FOXP1: variants seen among roughly 807,000 people sequenced by gnomAD.
The protein encoded by FOXP1 is forkhead box P1.
A neutral mutation model predicts 98.2 loss-of-function variants in FOXP1; 15 were observed. That is an observed-to-expected ratio of 0.15 (90% CI 0.10 to 0.24). The LOEUF is 0.24. Among genes scored for constraint, FOXP1 ranks in the 10% least tolerant of loss-of-function variants. FOXP1 has a pLI of 1.00. For missense variants in FOXP1, 633 were observed against 848.5 expected, an observed-to-expected ratio of 0.75 and a Z score of 3.15; for synonymous variants, 371 against 314.5, an observed-to-expected ratio of 1.18 and a Z score of -1.90.
chr3:71,313,627 G>A (rs536274861), intron 4 of FOXP1, among the ~76,000 whole-genome samples: 5 of 151,742 alleles, frequency 3.3e-5, no homozygotes, highest in South Asian at 2.1e-4. Flanking sequence ...CCGGGTTCCC[G>A]CCATTCTCCT....
At chr3:71,156,698 C>T (rs1183236463) in intron 6 of FOXP1, among the ~76,000 whole-genome samples, 1 of 152,228 alleles carries the variant, frequency 6.6e-6, no homozygotes, top group Admixed American at 6.5e-5. Context: ...GGTAATTCAA[C>T]ATCATCCAAA....
At chr3:71,053,054 CTCCCAACGCTGTAGTTCCGAA>C (rs2050127547) in intron 8 of FOXP1, among the ~76,000 whole-genome samples, 1 of 152,170 alleles carries the variant, frequency 6.6e-6, no homozygotes, top group Non-Finnish European at 1.5e-5. Flanking sequence ...AGGCCAGTGA[CTCCCAACGCTGTAGTTCCGAA>C]TCTCATCTAT....
intron 7 of FOXP1, among the ~76,000 whole-genome samples, chr3:71,094,810 C>A (rs2056298418): frequency 6.6e-6 from 1 of 152,192 alleles, no homozygotes; most frequent in Admixed American, 6.5e-5. Context: ...CTTTATTCAC[C>A]CACCTACCCC....
At chr3:71,558,311 G>C (rs2046285351) in intron 2 of FOXP1, among the ~76,000 whole-genome samples, 2 of 152,158 alleles carry the variant, frequency 1.3e-5, no homozygotes, top group African/African-American at 4.8e-5. Flanking sequence ...CTCAGGGAAA[G>C]CTGGCTCTAC....
At chr3:71,290,847 A>G (rs1463257909) in intron 5 of FOXP1, among the ~76,000 whole-genome samples, 1 of 152,196 alleles carries the variant, frequency 6.6e-6, no homozygotes, top group African/African-American at 2.4e-5. Context: ...GGTAATGCAT[A>G]TATTATAAAA....
At chr3:71,108,377 A>G (rs934313243) in intron 7 of FOXP1, among the ~76,000 whole-genome samples, 2 of 152,238 alleles carry the variant, frequency 1.3e-5, no homozygotes, top group African/African-American at 4.8e-5. Context: ...TTCAGCCAGT[A>G]AAGTTACGCA....
At chr3:71,165,787 C>A (rs779958212) in intron 6 of FOXP1, among the ~76,000 whole-genome samples, 1 of 152,050 alleles carries the variant, frequency 6.6e-6, no homozygotes, top group Admixed American at 6.6e-5. Flanking sequence ...TGGCATGCCA[C>A]GAACCACTTG....
chr3:71,534,812 A>G (rs1036018759), intron 2 of FOXP1, among the ~76,000 whole-genome samples: 1 of 152,144 alleles, frequency 6.6e-6, no homozygotes, highest in Non-Finnish European at 1.5e-5. Flanking sequence ...TCTCATTCTC[A>G]TTATTTGTTC....
intron 3 of FOXP1, among the ~76,000 whole-genome samples, chr3:71,395,014 T>C (rs1310456717): frequency 6.7e-6 from 1 of 148,240 alleles, no homozygotes; most frequent in Non-Finnish European, 1.5e-5. Flanking sequence ...GCAGGAGAAT[T>C]GCTTGAACCC....
intron 5 of FOXP1, among the ~76,000 whole-genome samples, chr3:71,286,965 T>A (rs1211457017): frequency 6.6e-6 from 1 of 152,046 alleles, no homozygotes; most frequent in African/African-American, 2.4e-5. Flanking sequence ...GTAGTTACAA[T>A]CACAAATAAC....
intron 5 of FOXP1, among the ~76,000 whole-genome samples, chr3:71,250,349 T>A (rs2068085576): frequency 6.6e-6 from 1 of 152,144 alleles, no homozygotes; most frequent in South Asian, 2.1e-4. Context: ...CAACATCCAA[T>A]AGGGTAGCCA....
chr3:71,348,546 TGTGCGTGCGC>T (rs1560349092), intron 4 of FOXP1, among the ~76,000 whole-genome samples: 3 of 131,112 alleles, frequency 2.3e-5, no homozygotes, highest in African/African-American at 1.1e-4. Context: ...TGTGTGTGTG[TGTGCGTGCGC>T]GCGCGCACGC....
At chr3:71,094,369 T>A (rs927114086) in intron 7 of FOXP1, among the ~76,000 whole-genome samples, 1 of 146,912 alleles carries the variant, frequency 6.8e-6, no homozygotes, top group African/African-American at 2.5e-5. Flanking sequence ...AAGCTCCGCC[T>A]CCCAGGTTCA....
At chr3:71,369,636 G>T (rs1031246530) in intron 3 of FOXP1, among the ~76,000 whole-genome samples, 1 of 151,958 alleles carries the variant, frequency 6.6e-6, no homozygotes, top group African/African-American at 2.4e-5. Context: ...CTCGTGATCC[G>T]CCCGCCTCAG....
chr3:71,126,783 C>A (rs1242858567), intron 6 of FOXP1, among the ~76,000 whole-genome samples: 1 of 148,226 alleles, frequency 6.7e-6, no homozygotes, highest in East Asian at 2.0e-4. Context: ...GAGATAGCAC[C>A]ACTGTACCCC....
intron 2 of FOXP1, among the ~76,000 whole-genome samples, chr3:71,556,156 A>T (rs2046112063): frequency 6.6e-6 from 1 of 152,128 alleles, no homozygotes; most frequent in African/African-American, 2.4e-5. Flanking sequence ...ACATATAAAA[A>T]CCCTGTATAT....
At chr3:71,364,531 T>C (rs978967792) in intron 3 of FOXP1, among the ~76,000 whole-genome samples, 1 of 152,252 alleles carries the variant, frequency 6.6e-6, no homozygotes, top group African/African-American at 2.4e-5. Flanking sequence ...TTGTTGTTGC[T>C]GTTGAATTGG....
At chr3:71,236,294 T>C (rs1008133949) in intron 5 of FOXP1, among the ~76,000 whole-genome samples, 2 of 152,228 alleles carry the variant, frequency 1.3e-5, no homozygotes, top group African/African-American at 4.8e-5. Flanking sequence ...CTCTTTAGTG[T>C]TTCCCATGTA....
At chr3:71,082,596 C>T (rs2054566326) in intron 7 of FOXP1, among the ~76,000 whole-genome samples, 1 of 145,560 alleles carries the variant, frequency 6.9e-6, no homozygotes, top group African/African-American at 2.6e-5. Context: ...GCACGTTCTG[C>T]ACATGTAACC....
Sources: gnomAD v4.1 joint callset for allele counts (sites outside exome capture counted in the v4.1 genomes callset) on GRCh38, gnomAD v4.1.1 for gene constraint, MANE v1.5 for transcripts, NCBI Gene and HGNC (gene_info 2026-07-23, HGNC 2026-07-21) for gene names.